The following EPG5 variants were observed in gnomAD, a reference collection of about 807,000 sequenced individuals.
The protein encoded by EPG5 is ectopic P-granules 5 autophagy tethering factor, also known as ectopic P granules protein 5 homolog.
EPG5 carries 159 observed loss-of-function variants against 302.7 expected under a neutral mutation model. The ratio of observed to expected loss-of-function variants is 0.53; its 90% CI spans 0.46 to 0.60. The LOEUF (loss-of-function observed/expected upper bound fraction) is 0.60, where lower values mean the gene tolerates loss of function less well. Among genes scored for constraint, EPG5 ranks in the 20% least tolerant of loss-of-function variants. The probability of loss-of-function intolerance (pLI) is 0.00; values close to 1 mark genes in which losing one functional copy is unlikely to be tolerated. For synonymous variants in EPG5, 1,158 were observed against 1,136.8 expected, an observed-to-expected ratio of 1.02 and a Z score of -0.37; for missense variants, 2,896 against 3,092.4, an observed-to-expected ratio of 0.94 and a Z score of 1.51.
chr18:45,926,902 A>T (rs1056116320), intron 13 of EPG5, among the ~76,000 whole-genome samples: 1 of 152,048 alleles, frequency 6.6e-6, no homozygotes, highest in African/African-American at 2.4e-5. Flanking sequence ...GATCCACTGT[A>T]CATTTCTCTG....
Position 45,910,688 on chromosome 18 carries a change from G to T in EPG5, c.4038C>A (p.Ile1346=). The change falls in exon 23 of 44, where the codon ATC becomes ATA. Residue 1346 remains isoleucine, a synonymous_variant. Coordinates refer to ENST00000282041, the MANE Select transcript of EPG5 (RefSeq NM_020964.3). ...GRRFFQSPAH[I]NLLKEMKRRL... ...GTCTCTTCATTTCTTTCAACAAATT[G>T]ATATGAGCAGGACTTTGAAAAAACC... 1.2e-6 allele frequency: 2 copies of T among 1,614,114 alleles called. No individual in the cohort carries two copies. The highest frequency in any genetic ancestry group is 1.1e-5 in the South Asian group (1 of 91,062).
chr18:45,877,737 T>C (rs1377012108), intron 34 of EPG5, among the ~76,000 whole-genome samples: 1 of 152,126 alleles, frequency 6.6e-6, no homozygotes, highest in Non-Finnish European at 1.5e-5. Flanking sequence ...GAGACTTGAG[T>C]TTGACATTCA....
At chr18:45,923,683 G>A (rs547821042) in intron 14 of EPG5, among the ~76,000 whole-genome samples, 4 of 152,190 alleles carry the variant, frequency 2.6e-5, no homozygotes, top group African/African-American at 7.2e-5. Context: ...CAAACACTTC[G>A]GGTCAAGGGC....
chr18:45,876,970 G>A (rs1599470291), intron 34 of EPG5, among the ~76,000 whole-genome samples: 2 of 152,178 alleles, frequency 1.3e-5, no homozygotes, highest in African/African-American at 4.8e-5. Context: ...TTTTAGCAGA[G>A]ACAGGGTTTC....
At position 45,934,840 on chromosome 18, in the gene EPG5, C is replaced by A; in HGVS notation, c.2226G>T (p.Leu742=). 1.2e-6 allele frequency: 2 copies of A among 1,613,984 alleles called. No individual in the cohort carries two copies. The highest frequency in any genetic ancestry group is 1.7e-6 in the Non-Finnish European group (2 of 1,179,972). ...SENLQQLSSS[L]QPAQCKQQLQ... Reference sequence around the variant, plus strand: ...GCTGCTGCTTGCACTGGGCGGGCTGCAGGGAGGAGGAGAGCTGCTGCAGGT... The same window carrying A: ...GCTGCTGCTTGCACTGGGCGGGCTGAAGGGAGGAGGAGAGCTGCTGCAGGT... Residue 742 remains leucine, a synonymous_variant, in exon 11 of 44, where the codon CTG becomes CTT. Coordinates refer to ENST00000282041, the MANE Select transcript of EPG5 (RefSeq NM_020964.3).
the EPG5 span, chr18:45,837,867 GCCGCCACGGCGT>G: frequency 2.6e-6 from 4 of 1,532,528 alleles, no homozygotes; most frequent in Non-Finnish European, 3.5e-6. Context: ...CGCTACGAGA[GCCGCCACGGCGT>G]CCGGCTGCAC....
intron 9 of EPG5, among the ~76,000 whole-genome samples, chr18:45,940,162 T>C (rs1243426848): frequency 2.0e-5 from 3 of 152,126 alleles, no homozygotes; most frequent in Admixed American, 2.0e-4. Flanking sequence ...TAAGTCTCTA[T>C]GAGAAGAGTG....
intron 26 of EPG5, 125 bp downstream of exon 26, chr18:45,900,871 G>T: frequency 1.0e-6 from 1 of 958,164 alleles, no homozygotes; most frequent in East Asian, 2.5e-5. Context: ...AACCGTCTGG[G>T]CCAGGTTGGT....
downstream of EPG5, among the ~76,000 whole-genome samples, chr18:45,846,182 A>G (rs1006467746): frequency 2.0e-5 from 3 of 152,106 alleles, no homozygotes; most frequent in African/African-American, 7.2e-5. Context: ...CCCCTCTTCA[A>G]TAACAGCCCC....
chr18:45,959,374 G>A (rs956124188), intron 1 of EPG5, among the ~76,000 whole-genome samples: 1 of 151,952 alleles, frequency 6.6e-6, no homozygotes, highest in East Asian at 1.9e-4. Context: ...GGCCAGGCAT[G>A]GGCGGCTCAC....
chr18:45,860,147 C>G lies in EPG5; in HGVS notation c.6966G>C (p.Met2322Ile). Residue 2322 changes from methionine (M) to isoleucine (I), a missense_variant, in exon 40 of 44, where the codon ATG becomes ATC. This residue lies in a region of EPG5 where 620 missense variants were observed against 704.2 expected (regional missense o/e 0.88). Coordinates refer to ENST00000282041, the MANE Select transcript of EPG5 (RefSeq NM_020964.3). The stretch of plus-strand genomic sequence containing the variant: ...TGATGCAGGCTTCTGTAGTCTCAGC[C>G]ATGTGGCGGACGGACGCCAGGCTCT... ...ACQSLASVRH[M>I]AETTEACITA... 1 of 1,614,248 alleles carries G rather than the reference C, an allele frequency of 6.2e-7. No homozygotes were observed. The highest frequency in any genetic ancestry group is 8.5e-7 in the Non-Finnish European group (1 of 1,180,042).
chr18:45,929,232 G>A (rs1448773968), intron 12 of EPG5, among the ~76,000 whole-genome samples: 2 of 152,176 alleles, frequency 1.3e-5, no homozygotes, highest in East Asian at 3.8e-4. Context: ...TTATAACAAT[G>A]ACTTCAAGTG....
At chr18:45,814,493 T>G in the EPG5 span, among the ~76,000 whole-genome samples, 7 of 152,232 alleles carry the variant, frequency 4.6e-5, no homozygotes, top group Non-Finnish European at 1.0e-4. Flanking sequence ...ATTTTGTATA[T>G]GGAATGCAAA....
the EPG5 span, among the ~76,000 whole-genome samples, chr18:45,834,322 A>G: frequency 6.6e-6 from 1 of 152,170 alleles, no homozygotes; most frequent in Non-Finnish European, 1.5e-5. Flanking sequence ...CAGCAACACA[A>G]ATAGAACCAG....
intron 23 of EPG5, among the ~76,000 whole-genome samples, chr18:45,908,950 A>G (rs929179594): frequency 1.4e-5 from 2 of 145,824 alleles, no homozygotes; most frequent in African/African-American, 2.5e-5. Context: ...CTCTGCCTCA[A>G]AAAAAAAAAA....
rs538932953 is a variant in EPG5 at position 45,860,089 on chromosome 18, A to G, written c.7009+15T>C. ...AAAGACCAATACAATGGAGCGTAAG[A>G]TGACCTCCTCTTACTTTCTTTGAAG... On this transcript the variant is annotated intron_variant, in intron 40 of 43. Coordinates refer to ENST00000282041, the MANE Select transcript of EPG5 (RefSeq NM_020964.3). The G allele has an allele frequency of 5.0e-5, 80 of 1,614,000 alleles. No individual in the cohort carries two copies. The South Asian group carries it at 8.1e-4, about 16-fold the overall frequency.
At chr18:45,920,979 G>C (rs933308454) in intron 16 of EPG5, among the ~76,000 whole-genome samples, 5 of 152,142 alleles carry the variant, frequency 3.3e-5, no homozygotes, top group African/African-American at 1.2e-4. Context: ...TTAGAGAACT[G>C]GCCCCCAGCC....
chr18:45,960,486 ATTTC>A (rs564178389), intron 1 of EPG5, among the ~76,000 whole-genome samples: 46 of 152,312 alleles, frequency 3.0e-4, no homozygotes, highest in African/African-American at 1.1e-3. Context: ...AGAAAAATCT[ATTTC>A]TTTATTTTTG....
Position 45,917,511 on chromosome 18 carries a change from C to A in EPG5, c.3239+168G>T, listed in dbSNP as rs548639229. Among the ~76,000 whole-genome samples, 3 of 152,268 alleles carry A rather than the reference C, an allele frequency of 2.0e-5. No homozygotes were observed. In the East Asian group the frequency reaches 5.8e-4, roughly 29 times the overall value. On this transcript the variant is annotated intron_variant, in intron 17 of 43. Coordinates refer to ENST00000282041, the MANE Select transcript of EPG5 (RefSeq NM_020964.3). ...ATAAAACTGGAGTCATTATTAGAAT[C>A]ACTGTTCATCAACCTGCATTCTAAA...
Sources: allele counts gnomAD v4.1 joint callset (sites outside exome capture counted in the v4.1 genomes callset), GRCh38; gene constraint gnomAD v4.1.1; regional missense constraint gnomAD v4.1.1; transcripts MANE v1.5; gene names NCBI Gene and HGNC (gene_info 2026-07-23, HGNC 2026-07-21).